Variants in GALNT17 observed in about 807,000 individuals in gnomAD.
GALNT17 encodes UDP-GalNAc:polypeptide N-acetylgalactosaminyltransferase-like 3.
A neutral mutation model predicts 63.7 loss-of-function variants in GALNT17; 29 were observed. The observed-to-expected ratio is 0.46, with a 90% CI of 0.34 to 0.62. GALNT17 has a LOEUF of 0.62. GALNT17 is among the 20% of genes least tolerant of loss of function. GALNT17 has a pLI of 0.01. For synonymous variants in GALNT17, 305 were observed against 318.3 expected, an observed-to-expected ratio of 0.96 and a Z score of 0.45; for missense variants, 603 against 799.6, an observed-to-expected ratio of 0.75 and a Z score of 2.97.
chr7:71,343,697 A>G (rs764972308), intron 2 of GALNT17, among the ~76,000 whole-genome samples: 11 of 152,032 alleles, frequency 7.2e-5, no homozygotes, highest in Non-Finnish European at 1.6e-4. Flanking sequence ...ACTCTTTTAT[A>G]TTTCACCCTT....
At chr7:71,335,857 C>G in intron 2 of GALNT17, 124 bp downstream of exon 2, 2 of 864,402 alleles carry the variant, frequency 2.3e-6, no homozygotes, top group South Asian at 8.2e-5. Flanking sequence ...TTAGTTTCCT[C>G]TTTAATAAAT....
At chr7:71,655,001 G>A (rs1691263088) in intron 6 of GALNT17, among the ~76,000 whole-genome samples, 1 of 152,088 alleles carries the variant, frequency 6.6e-6, no homozygotes, top group African/African-American at 2.4e-5. Context: ...TGTTGGCCAG[G>A]CTGGTCTCAA....
At chr7:71,280,471 A>G (rs958025751) in intron 1 of GALNT17, among the ~76,000 whole-genome samples, 8 of 152,126 alleles carry the variant, frequency 5.3e-5, no homozygotes, top group Non-Finnish European at 8.8e-5. Flanking sequence ...TAGGCGTGAA[A>G]AAGATCAAGA....
chr7:71,195,214 TTTTA>T (rs1363128036), intron 1 of GALNT17, among the ~76,000 whole-genome samples: 1 of 152,126 alleles, frequency 6.6e-6, no homozygotes, highest in African/African-American at 2.4e-5. Context: ...GAGACTGTGA[TTTTA>T]TTTATTTATT....
At chr7:71,201,053 T>C (rs1267165604) in intron 1 of GALNT17, among the ~76,000 whole-genome samples, 1 of 151,958 alleles carries the variant, frequency 6.6e-6, no homozygotes, top group Admixed American at 6.6e-5. Flanking sequence ...TAATGGTTTT[T>C]CTTTGTTTTT....
intron 2 of GALNT17, among the ~76,000 whole-genome samples, chr7:71,346,934 AT>A (rs77697804): frequency 0.16 from 23,956 of 148,834 alleles, 2,133 homozygotes; most frequent in South Asian, 0.3. Flanking sequence ...GGCATACAGT[AT>A]TTTTTTTTTT....
intron 5 of GALNT17, among the ~76,000 whole-genome samples, chr7:71,465,339 A>G (rs1198131424): frequency 6.6e-6 from 1 of 152,200 alleles, no homozygotes; most frequent in Non-Finnish European, 1.5e-5. Flanking sequence ...GATAAGCAAA[A>G]GTAGTTAACC....
chr7:71,286,250 C>T (rs931054195), intron 1 of GALNT17, among the ~76,000 whole-genome samples: 1 of 152,236 alleles, frequency 6.6e-6, no homozygotes, highest in African/African-American at 2.4e-5. Context: ...GTAAATCTTG[C>T]TCTGCCCACG....
At chr7:71,172,247 C>T (rs1037437306) in intron 1 of GALNT17, among the ~76,000 whole-genome samples, 1 of 152,024 alleles carries the variant, frequency 6.6e-6, no homozygotes, top group Non-Finnish European at 1.5e-5. Flanking sequence ...GGGAGGATTG[C>T]TTGAGCTCAG....
intron 5 of GALNT17, among the ~76,000 whole-genome samples, chr7:71,560,526 A>G (rs948137640): frequency 2.0e-5 from 3 of 152,184 alleles, no homozygotes; most frequent in African/African-American, 7.2e-5. Flanking sequence ...GTTTTATGGA[A>G]TGATGGAGAG....
chr7:71,278,881 CCTT>C (rs1036076613), intron 1 of GALNT17, among the ~76,000 whole-genome samples: 2 of 151,776 alleles, frequency 1.3e-5, no homozygotes, highest in African/African-American at 4.8e-5. Flanking sequence ...ACCGTATCAA[CCTT>C]CTTCCCTCTG....
intron 2 of GALNT17, among the ~76,000 whole-genome samples, chr7:71,365,931 TG>T (rs1792496535): frequency 6.6e-6 from 1 of 152,132 alleles, no homozygotes; most frequent in African/African-American, 2.4e-5. Flanking sequence ...TGTAGAATCA[TG>T]GGGAGCCCTG....
chr7:71,578,733 T>C (rs1789579820), intron 6 of GALNT17, among the ~76,000 whole-genome samples: 1 of 152,196 alleles, frequency 6.6e-6, no homozygotes. Flanking sequence ...CTCTTTGCCC[T>C]GTCTCTTGTT....
In GALNT17 at chr7:71,132,560, C is replaced by T; in HGVS notation, c.-243C>T. 1 of 520,342 alleles carries T rather than the reference C, an allele frequency of 1.9e-6. No homozygotes were observed. The highest frequency in any genetic ancestry group is 2.5e-5 in the South Asian group (1 of 39,274). 32.2% of individuals were successfully genotyped at this position (520,342 alleles called of 1,614,324 possible). On this transcript the variant is annotated 5_prime_UTR_variant, in exon 1 of 11. Transcript: ENST00000333538. ...ACGGGGCCGTGCGCCGTGGACTGAG[C>T]AGGCGTCTCGGGGAGCACTTCTGCA...
At chr7:71,183,889 T>C (rs1329099683) in intron 1 of GALNT17, among the ~76,000 whole-genome samples, 1 of 149,758 alleles carries the variant, frequency 6.7e-6, no homozygotes, top group African/African-American at 2.5e-5. Flanking sequence ...AGACTCCATC[T>C]CAAAAAAAAA....
chr7:71,181,898 T>A (rs779692235), intron 1 of GALNT17, among the ~76,000 whole-genome samples: 1 of 136,158 alleles, frequency 7.3e-6, no homozygotes, highest in South Asian at 2.3e-4. Context: ...AAAAAAAGGC[T>A]GGCGCGGTGG....
At chr7:71,503,684 G>A (rs1201044766) in intron 5 of GALNT17, among the ~76,000 whole-genome samples, 1 of 152,214 alleles carries the variant, frequency 6.6e-6, no homozygotes, top group Non-Finnish European at 1.5e-5. Context: ...GCAGGTTCAT[G>A]AGAGTGTGTT....
rs117829111 is a variant in GALNT17 at position 71,167,009 on chromosome 7, G to A, written c.238+33969G>A. On this transcript the variant is annotated intron_variant, in intron 1 of 10. Coordinates refer to ENST00000333538, the MANE Select transcript of GALNT17 (RefSeq NM_022479.3). ...TCCACCTCAGCCTCCCCAGTAGCTGGGACTACAGTTACACACAACCATGCC... is the reference window on the plus strand; with the variant it reads ...TCCACCTCAGCCTCCCCAGTAGCTGAGACTACAGTTACACACAACCATGCC... Among the ~76,000 whole-genome samples the A allele has an allele frequency of 8.5e-4, 129 of 151,616 alleles. No individual in the cohort carries two copies. The East Asian group carries it at 0.024, about 28-fold the overall frequency.
At chr7:71,622,702 T>A (rs1449981711) in intron 6 of GALNT17, among the ~76,000 whole-genome samples, 1 of 152,120 alleles carries the variant, frequency 6.6e-6, no homozygotes, top group Non-Finnish European at 1.5e-5. Context: ...GCTCTTCTGG[T>A]CTGGTTAGAG....
Sources: allele counts gnomAD v4.1 joint callset (sites outside exome capture counted in the v4.1 genomes callset), GRCh38; gene constraint gnomAD v4.1.1; transcripts MANE v1.5; gene names NCBI Gene and HGNC (gene_info 2026-07-23, HGNC 2026-07-21).